Variants in ANXA2 observed in about 807,000 individuals in gnomAD.
ANXA2 encodes annexin II.
Under a neutral mutation model 47.3 loss-of-function variants are expected in ANXA2, and 28 were observed. The observed-to-expected ratio is 0.59, with a 90% CI of 0.44 to 0.81. The LOEUF is 0.81. Among genes scored for constraint, ANXA2 ranks in the 40% least tolerant of loss-of-function variants. ANXA2 has a pLI of 0.00. For missense variants in ANXA2, 384 were observed against 414.3 expected, an observed-to-expected ratio of 0.93 and a Z score of 0.64; for synonymous variants, 172 against 155.5, an observed-to-expected ratio of 1.11 and a Z score of -0.79.
rs368935751 is a variant in ANXA2, at chr15:60,386,061, G to A, written c.15C>T (p.His5=). The part of the protein sequence containing the change: MSTV[H]EILCKLSLEG... The stretch of plus-strand genomic sequence containing the variant: ...CCAAGCTGAGCTTGCACAGGATTTC[G>A]TGAACAGTAGACATTTTGAAGGAAG... The change falls in exon 2 of 13, where the codon CAC becomes CAT. Residue 5 remains histidine (H), a synonymous_variant. Coordinates refer to ENST00000451270, the MANE Select transcript of ANXA2 (RefSeq NM_004039.3). 1.3e-4 allele frequency: 211 copies of A among 1,612,652 alleles called. 1 individual carries two copies. Among genetic ancestry groups the A allele is most frequent in the Non-Finnish European group, 1.7e-4 (202 of 1,179,262 alleles).
intron 5 of ANXA2, among the ~76,000 whole-genome samples, chr15:60,359,120 T>C (rs2062475502): frequency 6.6e-6 from 1 of 152,150 alleles, no homozygotes; most frequent in African/African-American, 2.4e-5. Context: ...CACTTCAAGC[T>C]TTATGGATTT....
intron 11 of ANXA2, 121 bp from the exon 12 acceptor site, chr15:60,349,318 T>C: frequency 2.8e-6 from 3 of 1,058,946 alleles, no homozygotes; most frequent in Admixed American, 2.2e-5. Flanking sequence ...AATCCAAAAC[T>C]TTTTCAGTGC....
chr15:60,362,851 T>C (rs890969437), intron 4 of ANXA2: 2 of 151,906 alleles, frequency 1.3e-5, no homozygotes, highest in Non-Finnish European at 2.9e-5. Context: ...GTGGGAGCTT[T>C]GTTCTACATA....
At chr15:60,363,467 T>C (rs2062547674) in intron 4 of ANXA2, among the ~76,000 whole-genome samples, 1 of 152,194 alleles carries the variant, frequency 6.6e-6, no homozygotes, top group African/African-American at 2.4e-5. Context: ...ACCTCCACTG[T>C]GGCTACAAGT....
chr15:60,367,332 C>T (rs1338956208), intron 3 of ANXA2, among the ~76,000 whole-genome samples: 96 of 111,170 alleles, frequency 8.6e-4, no homozygotes, highest in Admixed American at 1.6e-3. Flanking sequence ...TCTGCCCGGC[C>T]GCCCCTACTG....
chr15:60,387,805 G>A (rs2140926053), intron 1 of ANXA2, among the ~76,000 whole-genome samples: 1 of 152,348 alleles, frequency 6.6e-6, no homozygotes, highest in South Asian at 2.1e-4. Context: ...GATGTTGACA[G>A]TGGAAGCTAT....
chr15:60,347,827 A>C (rs1853050882), intron 12 of ANXA2, 138 bp from the exon 13 acceptor site: 1 of 774,796 alleles, frequency 1.3e-6, no homozygotes, highest in African/African-American at 1.7e-5. Flanking sequence ...CTGCCCTGAT[A>C]CAAAGGCCTG....
chr15:60,393,351 T>A, intron 1 of ANXA2: 6 of 1,001,654 alleles, frequency 6.0e-6, no homozygotes, highest in Non-Finnish European at 7.1e-6. Context: ...TGAAGCACTT[T>A]CAGGGTTGGG....
At chr15:60,366,530 C>G (rs1452136332) in intron 3 of ANXA2, among the ~76,000 whole-genome samples, 3 of 151,098 alleles carry the variant, frequency 2.0e-5, no homozygotes, top group African/African-American at 4.9e-5. Flanking sequence ...CGTCTCTGCC[C>G]GGCCGCTCCG....
chr15:60,373,830 CA>C (rs1306371617), intron 3 of ANXA2, among the ~76,000 whole-genome samples: 1 of 152,242 alleles, frequency 6.6e-6, no homozygotes, highest in Non-Finnish European at 1.5e-5. Context: ...TTCTCTGTCA[CA>C]AGCCTGGCCC....
intron 3 of ANXA2, among the ~76,000 whole-genome samples, chr15:60,367,056 T>C (rs1389120295): frequency 6.4e-5 from 3 of 46,918 alleles, no homozygotes; most frequent in Non-Finnish European, 1.2e-4. Context: ...AGCCGCCCCG[T>C]CCGGGAGGGG....
At chr15:60,356,132 C>T (rs2062426401) in intron 6 of ANXA2, 134 bp from the exon 7 acceptor site, 2 of 653,732 alleles carry the variant, frequency 3.1e-6, no homozygotes, top group South Asian at 1.9e-5. Flanking sequence ...TCTCCTTAAC[C>T]CCAAACAGAG....
At position 60,360,924 on chromosome 15, in the gene ANXA2, A is replaced by C; in HGVS notation, c.357+17T>G. The stretch of plus-strand genomic sequence containing the variant: ...TAATAGCAGATTTGACAGAGATGAC[A>C]TCTCACATGCATTTACCTTCATGGA... On this transcript the variant is annotated intron_variant, in intron 5 of 12. Coordinates refer to ENST00000451270, the MANE Select transcript of ANXA2 (RefSeq NM_004039.3). 1 of 1,467,134 alleles carries C rather than the reference A, an allele frequency of 6.8e-7. No individual in the cohort carries two copies. The highest frequency in any genetic ancestry group is 2.3e-5 in the East Asian group (1 of 44,146). The allele number at this position is 1,467,134 out of a possible 1,614,324, so 90.9% of individuals were successfully genotyped here.
chr15:60,371,838 G>A lies in ANXA2; in HGVS notation c.149-7315C>T, dbSNP rs899393082. Among the ~76,000 whole-genome samples the A allele has an allele frequency of 2.6e-5, 4 of 152,200 alleles. No homozygotes were observed. In the East Asian group the frequency reaches 7.7e-4, roughly 29 times the overall value. ...GAGTTATGGGTGTGTACACGTGGAC[G>A]TAGTTCATTTATTATAATAATAGTA... On this transcript the variant is annotated intron_variant, in intron 3 of 12. Coordinates refer to ENST00000451270, the MANE Select transcript of ANXA2 (RefSeq NM_004039.3).
chr15:60,354,063 A>G, intron 8 of ANXA2, 91 bp downstream of exon 8: 1 of 968,060 alleles, frequency 1.0e-6, no homozygotes, highest in Non-Finnish European at 1.6e-6. Flanking sequence ...AGAGTTTGGG[A>G]GTCATTTGTC....
At chr15:60,392,904 T>C in intron 1 of ANXA2, 1 of 821,472 alleles carries the variant, frequency 1.2e-6, no homozygotes. Flanking sequence ...TACACAGTCC[T>C]GGACACACAG....
chr15:60,391,499 C>T (rs1403732149), intron 1 of ANXA2, among the ~76,000 whole-genome samples: 1 of 152,058 alleles, frequency 6.6e-6, no homozygotes, highest in African/African-American at 2.4e-5. Flanking sequence ...CTGTGGGGAA[C>T]CTAAAATATA....
chr15:60,376,140 G>A (rs577032394), intron 3 of ANXA2, among the ~76,000 whole-genome samples: 75 of 152,300 alleles, frequency 4.9e-4, no homozygotes, highest in African/African-American at 1.7e-3. Context: ...CACTTTGGGA[G>A]GCTGAGGCAG....
At chr15:60,378,275 G>A (rs1277649010) in intron 3 of ANXA2, among the ~76,000 whole-genome samples, 2 of 152,142 alleles carry the variant, frequency 1.3e-5, no homozygotes, top group African/African-American at 4.8e-5. Context: ...ACACTGAAAT[G>A]TACACTTTAT....
Sources: allele counts gnomAD v4.1 joint callset (sites outside exome capture counted in the v4.1 genomes callset), GRCh38; gene constraint gnomAD v4.1.1; transcripts MANE v1.5; gene names NCBI Gene and HGNC (gene_info 2026-07-23, HGNC 2026-07-21).